EPB41: variants seen among roughly 807,000 people sequenced by gnomAD.
EPB41 encodes erythrocyte membrane protein band 4.1.
EPB41 carries 65 observed loss-of-function variants against 108.0 expected under a neutral mutation model. The ratio of observed to expected loss-of-function variants is 0.60; its 90% confidence interval spans 0.49 to 0.74. The LOEUF is 0.74. EPB41 is among the 30% of genes least tolerant of loss of function. The pLI, the probability that EPB41 is intolerant of heterozygous loss-of-function variation, is 0.00. For missense variants in EPB41, 875 were observed against 1,037.0 expected (o/e 0.84, Z 2.15); for synonymous variants, 336 against 358.9 (o/e 0.94, Z 0.72).
intron 11 of EPB41, among the ~76,000 whole-genome samples, chr1:29,042,660 G>A (rs1301134655): frequency 6.6e-6 from 1 of 151,962 alleles, no homozygotes; most frequent in Non-Finnish European, 1.5e-5. Context: ...TGTATTTTTA[G>A]TGGAGATGGG....
At chr1:28,992,943 C>A in intron 2 of EPB41, among the ~76,000 whole-genome samples, 1 of 152,150 alleles carries the variant, frequency 6.6e-6, no homozygotes, top group Admixed American at 6.5e-5. Flanking sequence ...CAAGTCACAT[C>A]TTATTTTGCA....
At chr1:28,921,552 A>T (rs1255813678) in intron 1 of EPB41, among the ~76,000 whole-genome samples, 2 of 152,064 alleles carry the variant, frequency 1.3e-5, no homozygotes, top group South Asian at 2.1e-4. Flanking sequence ...GCTTAAAGTA[A>T]AGGCTTTAAA....
chr1:29,068,099 C>G (rs1307355129), intron 16 of EPB41, among the ~76,000 whole-genome samples: 1 of 152,134 alleles, frequency 6.6e-6, no homozygotes, highest in Admixed American at 6.5e-5. Flanking sequence ...CAATTCTGAA[C>G]AAGTAATTTA....
At position 29,035,836 on chromosome 1, in the gene EPB41, A is replaced by G. The variant is rs749960179; in HGVS notation, c.1376A>G (p.Tyr459Cys). The G allele has an allele frequency of 6.2e-7, 1 of 1,613,678 alleles. No individual in the cohort carries two copies. Among genetic ancestry groups the G allele is most frequent in the South Asian group, 1.1e-5 (1 of 91,080 alleles). The part of the protein sequence containing the change: ...IKIRPGEQEQ[Y>C]ESTIGFKLPS... ...TTTGTGTTTTTGTAGCAAGAGCAGT[A>G]TGAAAGTACCATCGGATTCAAACTT... Residue 459 changes from tyrosine (Y) to cysteine (C), a missense_variant, in exon 10 of 21, where the codon TAT becomes TGT. Physicochemically the swap from Tyr to Cys is radical, Grantham distance 194. Transcript: ENST00000343067.
At chr1:28,992,867 T>G (rs186026057) in intron 2 of EPB41, among the ~76,000 whole-genome samples, 1 of 152,382 alleles carries the variant, frequency 6.6e-6, no homozygotes, top group African/African-American at 2.4e-5. Context: ...GTTTGCTTAA[T>G]GATGTGAAAT....
At chr1:29,017,981 T>A (rs986638821) in intron 6 of EPB41, among the ~76,000 whole-genome samples, 6 of 152,150 alleles carry the variant, frequency 3.9e-5, no homozygotes, top group African/African-American at 1.4e-4. Context: ...ACAGTATTTT[T>A]TTTAAGTTTT....
intron 1 of EPB41, among the ~76,000 whole-genome samples, chr1:28,895,532 C>G (rs2090574709): frequency 6.6e-6 from 1 of 152,112 alleles, no homozygotes; most frequent in Non-Finnish European, 1.5e-5. Flanking sequence ...CTCTGTCACC[C>G]AGGCTGGAGT....
At chr1:29,059,204 G>C (rs1270896612) in intron 14 of EPB41, among the ~76,000 whole-genome samples, 4 of 152,156 alleles carry the variant, frequency 2.6e-5, no homozygotes, top group Non-Finnish European at 1.5e-5. Context: ...GAACCTGGGA[G>C]GTGTAGGTTG....
chr1:28,887,301 C>T lies in EPB41; in HGVS notation c.-8+91C>T, dbSNP rs1264561525. The T allele has an allele frequency of 3.9e-5, 48 of 1,219,846 alleles. 1 individual carries two copies. In the Admixed American group the frequency reaches 1.6e-3, roughly 40 times the overall value. 75.6% of individuals were successfully genotyped at this position (1,219,846 alleles called of 1,614,324 possible). ...ACCTACCCCCAAGGGCTCGGACCGT[C>T]CCGGGAGAGGCGAGACCAGGGTCGA... On this transcript the variant is annotated intron_variant, in intron 1 of 16. Transcript: ENST00000347529. The surrounding 1 kb of genome is among the most constrained non-coding windows in gnomAD (Gnocchi z 4.9).
intron 11 of EPB41, chr1:29,041,133 C>G (rs988514154): frequency 2.8e-5 from 4 of 141,816 alleles, no homozygotes; most frequent in African/African-American, 1.1e-4. Flanking sequence ...GAGAGTGTCT[C>G]ATAAATAAAT....
At chr1:28,912,555 C>A (rs1283093398), upstream of EPB41, among the ~76,000 whole-genome samples, 1 of 152,152 alleles carries the variant, frequency 6.6e-6, no homozygotes, top group African/African-American at 2.4e-5. Flanking sequence ...ACACATAGAT[C>A]TTACTATGAG....
intron 1 of EPB41, among the ~76,000 whole-genome samples, chr1:28,916,058 T>C (rs2092637725): frequency 6.6e-6 from 1 of 152,222 alleles, no homozygotes; most frequent in Non-Finnish European, 1.5e-5. Context: ...ACTCTTCATT[T>C]TCCTTTTCTG....
At chr1:29,112,924 T>C (rs1669673972) in intron 19 of EPB41, among the ~76,000 whole-genome samples, 1 of 152,094 alleles carries the variant, frequency 6.6e-6, no homozygotes, top group Non-Finnish European at 1.5e-5. Context: ...CCCCTACCCT[T>C]AGAGAGCTGT....
chr1:29,013,921 T>C (rs1465358039), intron 5 of EPB41, among the ~76,000 whole-genome samples: 1 of 150,800 alleles, frequency 6.6e-6, no homozygotes, highest in Non-Finnish European at 1.5e-5. Context: ...TCATGAAGAA[T>C]GTAAGAGTCC....
intron 1 of EPB41, 51 bp from the exon 2 acceptor site, chr1:28,987,380 G>A: frequency 6.6e-7 from 1 of 1,522,748 alleles, no homozygotes; most frequent in Non-Finnish European, 9.1e-7. Context: ...TTTGCCAACA[G>A]TAATGTGTTT....
chr1:28,913,247 G>A (rs1004299380), upstream of EPB41, among the ~76,000 whole-genome samples: 8 of 152,138 alleles, frequency 5.3e-5, no homozygotes, highest in African/African-American at 1.9e-4. Context: ...AGGAGATCGA[G>A]ACTAACACGG....
At chr1:29,094,246 GT>G (rs1028687459) in intron 16 of EPB41, among the ~76,000 whole-genome samples, 4 of 151,816 alleles carry the variant, frequency 2.6e-5, no homozygotes, top group African/African-American at 4.8e-5. Context: ...GCTGGTGTTT[GT>G]TTTTTGTTGT....
At chr1:29,020,636 G>A (rs2096632201) in intron 7 of EPB41, among the ~76,000 whole-genome samples, 2 of 151,980 alleles carry the variant, frequency 1.3e-5, no homozygotes, top group Non-Finnish European at 2.9e-5. Flanking sequence ...GTCAGATTGT[G>A]ATTGATACTT....
In EPB41 at chr1:29,119,310, G is replaced by A. The variant is rs540305168; in HGVS notation, c.*2498G>A. 3.5e-4 allele frequency: 54 copies of A among 152,700 alleles called. No individual in the cohort carries two copies. The highest frequency in any genetic ancestry group is 1.2e-3 in the African/African-American group (49 of 41,538). 9.5% of individuals were successfully genotyped at this position (152,700 alleles called of 1,614,324 possible). ...TGCAGTTGTGTGTATGTGTGTTTGT[G>A]TGAAGAAAAACAGACTCTGTCCAGG... is the stretch of plus-strand genomic sequence containing the variant. On this transcript the variant is annotated 3_prime_UTR_variant, in exon 21 of 21. Transcript: ENST00000343067.
Sources: gnomAD v4.1 joint callset for allele counts (sites outside exome capture counted in the v4.1 genomes callset) on GRCh38, gnomAD v4.1.1 for gene constraint, Gnocchi (gnomAD v3.1) non-coding constraint, MANE v1.5 for transcripts, NCBI Gene and HGNC (gene_info 2026-07-23, HGNC 2026-07-21) for gene names.